Variants in SETD5 observed in about 807,000 individuals in gnomAD.
SETD5 encodes SET domain containing 5, also known as histone-lysine N-methyltransferase SETD5.
SETD5 carries 44 observed loss-of-function variants against 153.3 expected under a neutral mutation model. The observed-to-expected ratio is 0.29, with a 90% CI of 0.23 to 0.37. The LOEUF is 0.37. SETD5 is among the 10% of genes least tolerant of loss of function. SETD5 has a pLI of 1.00. For missense variants in SETD5, 1,544 were observed against 1,768.0 expected (o/e 0.87, Z 2.27); for synonymous variants, 716 against 645.2 (o/e 1.11, Z -1.66).
At chr3:9,402,651 C>G (rs1467099861) in intron 1 of SETD5, among the ~76,000 whole-genome samples, 1 of 152,184 alleles carries the variant, frequency 6.6e-6, no homozygotes, top group African/African-American at 2.4e-5. Flanking sequence ...ATTCCCACAG[C>G]TTTCATGGCA....
At chr3:9,402,547 C>T (rs2034965405) in intron 1 of SETD5, among the ~76,000 whole-genome samples, 1 of 152,142 alleles carries the variant, frequency 6.6e-6, no homozygotes, top group South Asian at 2.1e-4. Context: ...TAAGTTTTTA[C>T]ATCAGGCCAG....
chr3:9,448,895 C>T (rs2042313335), intron 16 of SETD5, among the ~76,000 whole-genome samples: 1 of 152,024 alleles, frequency 6.6e-6, no homozygotes, highest in Non-Finnish European at 1.5e-5. Flanking sequence ...CTTGAGGTTC[C>T]TGAGTGAGAG....
At position 9,448,732 on chromosome 3, in the gene SETD5, G is replaced by T. The variant is rs918076353; in HGVS notation, c.2346+102G>T. The T allele has an allele frequency of 6.0e-6, 7 of 1,170,272 alleles. No individual in the cohort carries two copies. In the African/African-American group the frequency reaches 7.8e-5, roughly 13 times the overall value. The allele number at this position is 1,170,272 out of a possible 1,614,324, so 72.5% of individuals were successfully genotyped here. A position where few individuals can be genotyped will look rare whatever the true frequency, so the allele number is the denominator to read the frequency against. On this transcript the variant is annotated intron_variant, in intron 16 of 22. Transcript: ENST00000402198. ...CATGACATAAATAAAATGTTCTCTAGATAGCCACTCTGCCCATGTGAGTTT... is the reference window on the plus strand; with the variant it reads ...CATGACATAAATAAAATGTTCTCTATATAGCCACTCTGCCCATGTGAGTTT...
At chr3:9,410,617 C>G (rs928699368) in intron 1 of SETD5, among the ~76,000 whole-genome samples, 1 of 152,182 alleles carries the variant, frequency 6.6e-6, no homozygotes, top group Non-Finnish European at 1.5e-5. Flanking sequence ...CTGGTTCTCT[C>G]CCTGTCCCTG....
chr3:9,451,959 A>G (rs1305120681), intron 16 of SETD5, among the ~76,000 whole-genome samples: 1 of 152,220 alleles, frequency 6.6e-6, no homozygotes, highest in Non-Finnish European at 1.5e-5. Flanking sequence ...AAATTAACTT[A>G]TTATCCATGA....
At chr3:9,415,350 G>A (rs185238478) in intron 1 of SETD5, among the ~76,000 whole-genome samples, 1 of 152,184 alleles carries the variant, frequency 6.6e-6, no homozygotes, top group Non-Finnish European at 1.5e-5. Context: ...GAAAGTTTTT[G>A]TAATATATAA....
At position 9,474,589 on chromosome 3, in the gene SETD5, C is replaced by T; in HGVS notation, c.3631+7C>T. On this transcript the variant is annotated splice_region_variant and intron_variant, in intron 21 of 22. Transcript: ENST00000402198. The stretch of plus-strand genomic sequence containing the variant: ...ATCACAGAGAAAGACTCAGGTGAGC[C>T]CATGGCCTTCTGCTGCCACCACATT... 1.2e-6 allele frequency: 2 copies of T among 1,613,168 alleles called. No homozygotes were observed. The highest frequency in any genetic ancestry group is 1.7e-5 in the Admixed American group (1 of 59,944).
At chr3:9,430,166 C>G in intron 3 of SETD5, 1 of 1,009,232 alleles carries the variant, frequency 9.9e-7, no homozygotes, top group Non-Finnish European at 1.2e-6. Flanking sequence ...AATGACATCC[C>G]TGATTAATAA....
intron 1 of SETD5, chr3:9,423,202 T>C (rs1470577753): frequency 6.6e-6 from 1 of 152,240 alleles, no homozygotes; most frequent in Non-Finnish European, 1.5e-5. Flanking sequence ...GAAGAGACTG[T>C]CAGAATGATG....
At chr3:9,425,910 CA>C (rs1168346105) in intron 2 of SETD5, among the ~76,000 whole-genome samples, 2 of 152,048 alleles carry the variant, frequency 1.3e-5, no homozygotes, top group African/African-American at 2.4e-5. Flanking sequence ...CTTTGCTGAT[CA>C]GGGGAGGTAC....
intron 1 of SETD5, among the ~76,000 whole-genome samples, chr3:9,399,550 T>G (rs2034405953): frequency 6.6e-6 from 1 of 152,196 alleles, no homozygotes; most frequent in South Asian, 2.1e-4. Context: ...ACTGTCATTA[T>G]GTGTAGAAAA....
chr3:9,444,023 C>G (rs1397432352), intron 11 of SETD5, among the ~76,000 whole-genome samples: 1 of 152,200 alleles, frequency 6.6e-6, no homozygotes, highest in Admixed American at 6.5e-5. Flanking sequence ...GATCACGCCA[C>G]TGCACTCCAG....
Position 9,464,420 on chromosome 3 carries a change from C to T in SETD5, c.2477-5C>T. On this transcript the variant is annotated splice_polypyrimidine_tract_variant and splice_region_variant and intron_variant, in intron 17 of 22. Transcript: ENST00000402198. ...AAACTCTCATCCAAGCTTTGTGTTT[C>T]ACAGACTTGTTGAGCCCATTAAAGA... 13 of 1,603,714 alleles carry T rather than the reference C, an allele frequency of 8.1e-6. No homozygotes were observed. The highest frequency in any genetic ancestry group is 1.1e-5 in the Non-Finnish European group (13 of 1,171,578).
At chr3:9,417,470 A>G (rs975076215) in intron 1 of SETD5, among the ~76,000 whole-genome samples, 1 of 151,378 alleles carries the variant, frequency 6.6e-6, no homozygotes, top group East Asian at 1.9e-4. Flanking sequence ...TTAGTAAATC[A>G]GTATAGATAA....
At chr3:9,431,088 C>T in intron 3 of SETD5, 1 of 985,432 alleles carries the variant, frequency 1.0e-6, no homozygotes. Context: ...TTAAGTGCAG[C>T]ATACTCAACT....
rs1410049323 is a variant in SETD5, at chr3:9,433,884, G to A, written c.111G>A (p.Lys37=). The change falls in exon 4 of 23, where the codon AAG becomes AAA. Residue 37 remains lysine, a synonymous_variant. Coordinates refer to ENST00000402198, the MANE Select transcript of SETD5 (RefSeq NM_001080517.3). ...SVEASPAVNE[K]SVYSTHNYGT... ...AGGCTAGTCCAGCAGTTAATGAGAA[G>A]AGCGTGTATTCCACTCATAATTATG... 6.2e-7 allele frequency: 1 copy of A among 1,613,898 alleles called. No individual in the cohort carries two copies. Among genetic ancestry groups the A allele is most frequent in the Non-Finnish European group, 8.5e-7 (1 of 1,179,838 alleles).
At chr3:9,427,686 CTT>C (rs1176211535) in intron 2 of SETD5, among the ~76,000 whole-genome samples, 2 of 152,126 alleles carry the variant, frequency 1.3e-5, no homozygotes, top group Admixed American at 6.5e-5. Context: ...TCATGACTCT[CTT>C]TGTAGTCTTT....
chr3:9,465,520 C>T (rs997467044), intron 18 of SETD5, among the ~76,000 whole-genome samples: 2 of 152,166 alleles, frequency 1.3e-5, no homozygotes, highest in Non-Finnish European at 2.9e-5. Context: ...CTGCTCTGCC[C>T]CCTTGTTTGC....
chr3:9,408,440 T>C (rs952866378), intron 1 of SETD5, among the ~76,000 whole-genome samples: 2 of 152,230 alleles, frequency 1.3e-5, no homozygotes, highest in Non-Finnish European at 2.9e-5. Flanking sequence ...ACTGTTAGTT[T>C]AAAAGGTTCC....
Sources: gnomAD v4.1 joint callset for allele counts (sites outside exome capture counted in the v4.1 genomes callset) on GRCh38, gnomAD v4.1.1 for gene constraint, MANE v1.5 for transcripts, NCBI Gene and HGNC (gene_info 2026-07-23, HGNC 2026-07-21) for gene names.